MTREX: variants seen among roughly 807,000 people sequenced by gnomAD.
MTREX encodes Mtr4 exosome RNA helicase.
In MTREX, 76 loss-of-function variants were observed where a neutral mutation model predicts 135.4. The observed-to-expected ratio is 0.56, with a 90% CI of 0.47 to 0.68. The LOEUF (loss-of-function observed/expected upper bound fraction) is 0.68, where lower values mean the gene tolerates loss of function less well. Among genes scored for constraint, MTREX ranks in the 30% least tolerant of loss-of-function variants. The pLI is 0.00. For missense variants in MTREX, 920 were observed against 1,262.1 expected, an observed-to-expected ratio of 0.73 and a Z score of 4.11; for synonymous variants, 404 against 401.6, an observed-to-expected ratio of 1.01 and a Z score of -0.07.
At chr5:55,353,133 T>G in intron 13 of MTREX, 35 bp from the exon 14 acceptor site, 1 of 1,408,822 alleles carries the variant, frequency 7.1e-7, no homozygotes, top group South Asian at 1.4e-5. Context: ...CAGCTTAAAA[T>G]ACATGTTTAA....
At chr5:55,360,092 T>G (rs992192742) in intron 15 of MTREX, among the ~76,000 whole-genome samples, 2 of 152,164 alleles carry the variant, frequency 1.3e-5, no homozygotes, top group African/African-American at 2.4e-5. Flanking sequence ...TCACTCTTCT[T>G]TCTTCACAAG....
chr5:55,317,024 C>T (rs969921783), intron 1 of MTREX, among the ~76,000 whole-genome samples: 1 of 152,004 alleles, frequency 6.6e-6, no homozygotes, highest in Non-Finnish European at 1.5e-5. Context: ...ATCTCATTCA[C>T]AATTGCCACA....
intron 19 of MTREX, among the ~76,000 whole-genome samples, chr5:55,396,457 A>C (rs1158816605): frequency 6.6e-6 from 1 of 152,174 alleles, no homozygotes. Context: ...TCTGCAAGTT[A>C]ATTTCAAATG....
chr5:55,334,024 G>C (rs949251634), intron 5 of MTREX, among the ~76,000 whole-genome samples: 3 of 152,068 alleles, frequency 2.0e-5, no homozygotes, highest in Non-Finnish European at 2.9e-5. Flanking sequence ...AAGGAATAAA[G>C]TGCTGATACA....
At chr5:55,340,623 G>T (rs566341934) in intron 6 of MTREX, among the ~76,000 whole-genome samples, 8 of 151,810 alleles carry the variant, frequency 5.3e-5, no homozygotes, top group Non-Finnish European at 1.0e-4. Context: ...GTTCTGTCTC[G>T]CAGGCTGGAG....
intron 15 of MTREX, among the ~76,000 whole-genome samples, chr5:55,366,383 A>G (rs6887139): frequency 0.14 from 21,343 of 152,088 alleles, 1,890 homozygotes; most frequent in East Asian, 0.26. Context: ...ACGGCTGCTC[A>G]GGAGGCTAAG....
chr5:55,416,041 C>T lies in MTREX; in HGVS notation c.2880C>T (p.Ser960=), dbSNP rs777137553. The change falls in exon 25 of 27, where the codon AGC becomes AGT. Residue 960 remains serine, a synonymous_variant. Transcript: ENST00000230640. ...KLEIDEETYL[S]SFKPHLMDVV... is the part of the protein sequence containing the mutation. ...AAATTGATGAGGAAACTTATCTAAGCTCATTTAAACCTCACTTAATGGATG... is the reference window on the plus strand; with the variant it reads ...AAATTGATGAGGAAACTTATCTAAGTTCATTTAAACCTCACTTAATGGATG... The T allele has an allele frequency of 1.9e-6, 3 of 1,603,128 alleles. No individual in the cohort carries two copies. Among genetic ancestry groups the T allele is most frequent in the South Asian group, 1.1e-5 (1 of 88,424 alleles).
In MTREX at chr5:55,340,040, G is replaced by C; in HGVS notation, c.546G>C (p.Lys182Asn). ...CCATTGCATTGGCCTTAAGGGAAAA[G>C]CAGCGTGTAATATTTACCAGCCCAA... The part of the protein sequence containing the change: ...EYAIALALRE[K>N]QRVIFTSPIK... The change falls in exon 6 of 27, where the codon AAG becomes AAC. Residue 182 changes from lysine (K) to asparagine (N), a missense_variant. By Grantham distance (94) the Lys-to-Asn change is moderately conservative. This residue lies in a region of MTREX where 82 missense variants were observed against 107.4 expected (regional missense o/e 0.76). Transcript: ENST00000230640. 6.4e-7 allele frequency: 1 copy of C among 1,572,000 alleles called. No homozygotes were observed. Among genetic ancestry groups the C allele is most frequent in the Non-Finnish European group, 8.6e-7 (1 of 1,160,242 alleles).
intron 3 of MTREX, among the ~76,000 whole-genome samples, chr5:55,326,135 G>A (rs1483683434): frequency 6.6e-6 from 1 of 152,140 alleles, no homozygotes; most frequent in Non-Finnish European, 1.5e-5. Context: ...AGTGGCTCAC[G>A]TCTATAATCC....
At chr5:55,319,569 A>G (rs1361594319) in intron 1 of MTREX, among the ~76,000 whole-genome samples, 5 of 152,232 alleles carry the variant, frequency 3.3e-5, no homozygotes, top group Non-Finnish European at 7.3e-5. Flanking sequence ...TGTGCTATGT[A>G]TAGAGCATGC....
At chr5:55,406,615 A>G (rs987485350) in intron 22 of MTREX, among the ~76,000 whole-genome samples, 6 of 151,862 alleles carry the variant, frequency 4.0e-5, no homozygotes, top group Non-Finnish European at 8.8e-5. Flanking sequence ...TTAGATTCCA[A>G]CTCTTGATGG....
intron 5 of MTREX, among the ~76,000 whole-genome samples, chr5:55,331,814 G>A (rs1749479123): frequency 6.6e-6 from 1 of 152,018 alleles, no homozygotes; most frequent in South Asian, 2.1e-4. Context: ...CAGTAATTTT[G>A]GATTACCTAC....
intron 25 of MTREX, among the ~76,000 whole-genome samples, chr5:55,416,657 A>C (rs755168008): frequency 2.4e-4 from 36 of 152,194 alleles, no homozygotes; most frequent in Non-Finnish European, 4.0e-4. Context: ...GGCAAAAGAA[A>C]TATAAGGAAT....
intron 2 of MTREX, 117 bp from the exon 3 acceptor site, chr5:55,324,015 A>G (rs1054273731): frequency 3.6e-5 from 25 of 689,554 alleles, no homozygotes; most frequent in Non-Finnish European, 5.6e-5. Context: ...AGTTTTTCCT[A>G]TTTGGAATAC....
intron 22 of MTREX, among the ~76,000 whole-genome samples, chr5:55,408,978 G>A (rs1365716550): frequency 6.6e-6 from 1 of 150,820 alleles, no homozygotes; most frequent in African/African-American, 2.4e-5. Context: ...TTGAGACAAG[G>A]TCTAGCTCTG....
Position 55,350,949 on chromosome 5 carries a change from G to C in MTREX, c.1351G>C (p.Gly451Arg). 1 of 1,604,874 alleles carries C rather than the reference G, an allele frequency of 6.2e-7. No individual in the cohort carries two copies. Among genetic ancestry groups the C allele is most frequent in the Non-Finnish European group, 8.5e-7 (1 of 1,177,396 alleles). The change falls in exon 13 of 27, where the codon GGA becomes CGA. Residue 451 changes from glycine to arginine, a missense_variant. Around this residue, in one of 6 missense-constraint regions of MTREX, gnomAD observed 101 missense variants for 119.1 expected, o/e 0.85. Coordinates refer to ENST00000230640, the MANE Select transcript of MTREX (RefSeq NM_015360.5). ...VEHVLPLLKR[G>R]IGIHHGGLLP... The stretch of plus-strand genomic sequence containing the variant: ...ACATGTACTTCCTCTTTTGAAGAGG[G>C]GAATTGGTATTCACCATGGTGGTTT...
At chr5:55,367,253 G>A (rs10069797) in intron 16 of MTREX, among the ~76,000 whole-genome samples, 21,203 of 152,092 alleles carry the variant, frequency 0.14, 1,859 homozygotes, top group East Asian at 0.26. Flanking sequence ...TTGGGAGGCC[G>A]AGACGGGTGG....
At position 55,356,403 on chromosome 5, in the gene MTREX, G is replaced by T. The variant is rs371708967; in HGVS notation, c.1534-2170G>T. ...GGAGCCTGTCAAGTGGCTTTAACAC[G>T]TGGACTGGGCATATTTGGTGCTCTG... On this transcript the variant is annotated intron_variant, in intron 14 of 26. Coordinates refer to ENST00000230640, the MANE Select transcript of MTREX (RefSeq NM_015360.5). 4.6e-4 allele frequency: 91 copies of T among 197,214 alleles called. No homozygotes were observed. In the East Asian group the frequency reaches 8.4e-3, roughly 18 times the overall value. 12.2% of individuals were successfully genotyped at this position (197,214 alleles called of 1,614,324 possible). A position where few individuals can be genotyped will look rare whatever the true frequency, so the allele number is the denominator to read the frequency against.
chr5:55,391,622 A>G (rs1040495805), intron 19 of MTREX, among the ~76,000 whole-genome samples: 2 of 152,204 alleles, frequency 1.3e-5, no homozygotes, highest in Admixed American at 6.5e-5. Context: ...ACAGAGGACT[A>G]AAACTCTGAC....
Sources: gnomAD v4.1 joint callset for allele counts (sites outside exome capture counted in the v4.1 genomes callset) on GRCh38, gnomAD v4.1.1 for gene constraint, gnomAD v4.1.1 regional missense constraint, MANE v1.5 for transcripts, NCBI Gene and HGNC (gene_info 2026-07-23, HGNC 2026-07-21) for gene names.